The following KHDRBS1 variants were observed in gnomAD, a reference collection of about 807,000 sequenced individuals.
KHDRBS1 encodes KH domain-containing, RNA-binding, signal transduction-associated protein 1.
A neutral mutation model predicts 48.4 loss-of-function variants in KHDRBS1; 7 were observed. The ratio of observed to expected loss-of-function variants is 0.14; its 90% CI spans 0.08 to 0.27. KHDRBS1 has a LOEUF of 0.27. KHDRBS1 is among the 10% of genes least tolerant of loss of function. The pLI, the probability that KHDRBS1 is intolerant of heterozygous loss-of-function variation, is 1.00. For synonymous variants in KHDRBS1, 241 were observed against 235.8 expected (o/e 1.02, Z -0.20); for missense variants, 458 against 601.2 (o/e 0.76, Z 2.49).
In KHDRBS1 at chr1:32,029,699, G is replaced by A. The variant is rs187240998; in HGVS notation, c.383-599G>A. ...TACCTTGTGCATTTTGTATCATTTA[G>A]GCATTGGCTGAATTTGGGCTAGATA... is the stretch of plus-strand genomic sequence containing the variant. On this transcript the variant is annotated intron_variant, in intron 1 of 8. Coordinates refer to ENST00000327300, the MANE Select transcript of KHDRBS1 (RefSeq NM_006559.3). Among the ~76,000 whole-genome samples, 785 of 152,278 alleles carry A rather than the reference G, an allele frequency of 5.2e-3. 6 individuals are homozygous for A. Among genetic ancestry groups the A allele is most frequent in the African/African-American group, 0.018 (758 of 41,554 alleles).
chr1:32,022,805 G>C (rs1638887438), intron 1 of KHDRBS1, among the ~76,000 whole-genome samples: 1 of 151,968 alleles, frequency 6.6e-6, no homozygotes, highest in South Asian at 2.1e-4. Flanking sequence ...CAGGAGAATT[G>C]CTTGAACCCG....
intron 10 of KHDRBS1, among the ~76,000 whole-genome samples, chr1:32,057,996 T>C (rs975724337): frequency 2.0e-5 from 3 of 151,622 alleles, no homozygotes; most frequent in African/African-American, 7.3e-5. Context: ...CGGGCGCCTG[T>C]AATCCCAGCT....
chr1:32,026,780 T>C (rs990302127), intron 1 of KHDRBS1, among the ~76,000 whole-genome samples: 1 of 152,102 alleles, frequency 6.6e-6, no homozygotes, highest in Non-Finnish European at 1.5e-5. Flanking sequence ...TAAAATGAAG[T>C]ATCTAATTTG....
chr1:32,031,682 TCTA>T, intron 3 of KHDRBS1, 42 bp downstream of exon 3: 1 of 1,272,950 alleles, frequency 7.9e-7, no homozygotes, highest in African/African-American at 1.5e-5. Context: ...CCTAATGCCT[TCTA>T]CTTGCCCAGA....
Position 32,036,982 on chromosome 1 carries a change from C to G in KHDRBS1, c.844C>G (p.Arg282Gly). 1 of 1,614,096 alleles carries G rather than the reference C, an allele frequency of 6.2e-7. No individual in the cohort carries two copies. Among genetic ancestry groups the G allele is most frequent in the Non-Finnish European group, 8.5e-7 (1 of 1,179,994 alleles). Residue 282 changes from arginine to glycine, a missense_variant, in exon 5 of 9, where the codon CGT becomes GGT. Arg to Gly is a moderately radical substitution (Grantham distance 125). Around this residue, in one of 3 missense-constraint regions of KHDRBS1, gnomAD observed 171 missense variants for 228.7 expected, o/e 0.75. Transcript: ENST00000327300. ...SYLNGVPEPS[R>G]GRGVPVRGRG... ...CTTGAATGGAGTACCTGAACCCTCTCGTGGACGTGGGGTGCCAGTGAGAGG... is the reference window on the plus strand; with the variant it reads ...CTTGAATGGAGTACCTGAACCCTCTGGTGGACGTGGGGTGCCAGTGAGAGG...
At chr1:32,033,421 C>T in intron 4 of KHDRBS1, 87 bp downstream of exon 4, 1 of 1,548,036 alleles carries the variant, frequency 6.5e-7, no homozygotes, top group Non-Finnish European at 8.8e-7. Context: ...TAACTAAGGT[C>T]TCTGCATAAC....
rs371654442 is a variant in KHDRBS1 at position 32,053,822 on chromosome 1, C to T, written n.1302-6341C>T. Among the ~76,000 whole-genome samples, 13 of 152,292 alleles carry T rather than the reference C, an allele frequency of 8.5e-5. No individual in the cohort carries two copies. In the East Asian group the frequency reaches 1.5e-3, roughly 18 times the overall value. The stretch of plus-strand genomic sequence containing the variant: ...ACCAGGCCGGGTGCAGTGGCTCACA[C>T]GTGTAATCCTAGCACTTTGGGAGGC... On this transcript the variant is annotated intron_variant and non_coding_transcript_variant, in intron 10 of 10. Coordinates refer to the KHDRBS1 transcript ENST00000484270.
chr1:32,050,553 C>G (rs1350549726), intron 10 of KHDRBS1, among the ~76,000 whole-genome samples: 1 of 152,012 alleles, frequency 6.6e-6, no homozygotes, highest in Admixed American at 6.6e-5. Flanking sequence ...GACTCTGTCC[C>G]CCAGGCTGGA....
intron 3 of KHDRBS1, among the ~76,000 whole-genome samples, chr1:32,031,992 A>G (rs963955281): frequency 6.6e-6 from 1 of 152,200 alleles, no homozygotes; most frequent in African/African-American, 2.4e-5. Flanking sequence ...TAAAATGCAA[A>G]TAGCACACCC....
At chr1:32,036,552 C>T (rs1639187859) in intron 4 of KHDRBS1, among the ~76,000 whole-genome samples, 1 of 152,020 alleles carries the variant, frequency 6.6e-6, no homozygotes, top group South Asian at 2.1e-4. Context: ...ATGGTAGTGG[C>T]TTTTATTATT....
chr1:32,014,680 G>A (rs1331389851), intron 1 of KHDRBS1, among the ~76,000 whole-genome samples: 1 of 152,232 alleles, frequency 6.6e-6, no homozygotes, highest in Non-Finnish European at 1.5e-5. Context: ...TCTTGCGGCT[G>A]CCGGGCGCGC....
intron 2 of KHDRBS1, among the ~76,000 whole-genome samples, chr1:32,031,074 C>A (rs549956591): frequency 6.6e-6 from 1 of 152,132 alleles, no homozygotes; most frequent in African/African-American, 2.4e-5. Flanking sequence ...CATAGCGAAA[C>A]CCCATCTCTA....
At chr1:32,018,090 T>A (rs1256328979) in intron 1 of KHDRBS1, among the ~76,000 whole-genome samples, 1 of 152,226 alleles carries the variant, frequency 6.6e-6, no homozygotes. Context: ...TTAATTCCTT[T>A]ATTTACAGTA....
chr1:32,043,941 CTTAAA>C (rs140352650), downstream of KHDRBS1: 1 of 152,558 alleles, frequency 6.6e-6, no homozygotes, highest in African/African-American at 2.4e-5. Flanking sequence ...TTCAAATAAA[CTTAAA>C]TTAACTCTAA....
intron 7 of KHDRBS1, 142 bp from the exon 8 acceptor site, chr1:32,039,373 C>T (rs1639241545): frequency 3.2e-6 from 2 of 630,068 alleles, no homozygotes; most frequent in Admixed American, 2.4e-5. Context: ...TTTGGAAATA[C>T]TTTACGGTTT....
intron 10 of KHDRBS1, chr1:32,052,295 C>T (rs1042633466): frequency 1.5e-4 from 22 of 151,056 alleles, no homozygotes; most frequent in African/African-American, 4.9e-4. Flanking sequence ...TAAGAGACTG[C>T]TTATTGTAAA....
At chr1:32,032,465 C>T (rs1220826113) in intron 3 of KHDRBS1, among the ~76,000 whole-genome samples, 1 of 152,194 alleles carries the variant, frequency 6.6e-6, no homozygotes, top group Non-Finnish European at 1.5e-5. Flanking sequence ...CTCCCTAGAC[C>T]ATATAAGCAG....
At chr1:32,052,118 G>T (rs780882974) in intron 10 of KHDRBS1, among the ~76,000 whole-genome samples, 3 of 152,190 alleles carry the variant, frequency 2.0e-5, no homozygotes, top group Non-Finnish European at 4.4e-5. Context: ...TGCCTACTGT[G>T]TGTCCCTATT....
At position 32,033,406 on chromosome 1, in the gene KHDRBS1, G is replaced by A. The variant is rs1488079018; in HGVS notation, c.771+72G>A. On this transcript the variant is annotated intron_variant, in intron 4 of 8. Coordinates refer to ENST00000327300, the MANE Select transcript of KHDRBS1 (RefSeq NM_006559.3). ...ATCTTATACTGTTGTGAAGGTAGGG[G>A]TTCTTAACTAAGGTCTCTGCATAAC... The A allele has an allele frequency of 3.2e-6, 5 of 1,579,146 alleles. No homozygotes were observed. In the Admixed American group the frequency reaches 5.2e-5, roughly 17 times the overall value.
Sources: gnomAD v4.1 joint callset for allele counts (sites outside exome capture counted in the v4.1 genomes callset) on GRCh38, gnomAD v4.1.1 for gene constraint, gnomAD v4.1.1 regional missense constraint, MANE v1.5 for transcripts, NCBI Gene and HGNC (gene_info 2026-07-23, HGNC 2026-07-21) for gene names.